The following BCKDHB variants were observed in gnomAD, a reference collection of about 807,000 sequenced individuals.
The protein encoded by BCKDHB is 2-oxoisovalerate dehydrogenase subunit beta, mitochondrial.
Under a neutral mutation model 48.5 loss-of-function variants are expected in BCKDHB, and 41 were observed. The ratio of observed to expected loss-of-function variants is 0.85; its 90% CI spans 0.66 to 1.10. The LOEUF (loss-of-function observed/expected upper bound fraction) is 1.10, where lower values mean the gene tolerates loss of function less well. Ranked by LOEUF, BCKDHB falls within the 50% of genes least tolerant of loss-of-function variation. The pLI, the probability that BCKDHB is intolerant of heterozygous loss-of-function variation, is 0.00. For synonymous variants in BCKDHB, 201 were observed against 174.8 expected, an observed-to-expected ratio of 1.15 and a Z score of -1.18; for missense variants, 496 against 494.2, an observed-to-expected ratio of 1.00 and a Z score of -0.03.
the BCKDHB span, among the ~76,000 whole-genome samples, chr6:80,398,645 A>ATGC: frequency 6.6e-6 from 1 of 151,978 alleles, no homozygotes; most frequent in Non-Finnish European, 1.5e-5. Context: ...TCACAGTCAA[A>ATGC]TTCTACCAGA....
chr6:80,373,855 G>A, the BCKDHB span, among the ~76,000 whole-genome samples: 1 of 152,050 alleles, frequency 6.6e-6, no homozygotes, highest in African/African-American at 2.4e-5. Flanking sequence ...CATTTGCATG[G>A]AATATATTTT....
intron 5 of BCKDHB, among the ~76,000 whole-genome samples, chr6:80,170,904 T>C (rs1196422702): frequency 6.6e-6 from 1 of 152,160 alleles, no homozygotes; most frequent in Non-Finnish European, 1.5e-5. Context: ...ACTTTGAAAG[T>C]AGAAACAGAT....
chr6:80,427,831 T>A, the BCKDHB span, among the ~76,000 whole-genome samples: 1 of 152,130 alleles, frequency 6.6e-6, no homozygotes, highest in Admixed American at 6.6e-5. Flanking sequence ...GTTGTTCATA[T>A]TTTTTTCCCT....
chr6:80,135,977 G>A (rs1019492542), intron 3 of BCKDHB: 3 of 152,130 alleles, frequency 2.0e-5, no homozygotes, highest in Non-Finnish European at 1.5e-5. Context: ...GTTTATTGAT[G>A]TTTCAGCATG....
intron 9 of BCKDHB, among the ~76,000 whole-genome samples, chr6:80,308,593 T>C (rs1767990267): frequency 7.8e-6 from 1 of 128,860 alleles, no homozygotes; most frequent in African/African-American, 3.1e-5. Flanking sequence ...TTCTTCTTCT[T>C]CTTCTTTTTT....
intron 6 of BCKDHB, among the ~76,000 whole-genome samples, chr6:80,173,802 CTTT>C (rs66729845): frequency 6.6e-5 from 9 of 137,304 alleles, no homozygotes; most frequent in Non-Finnish European, 1.1e-4. Context: ...TCTACTTTTC[CTTT>C]TTTTTTTTTT....
intron 8 of BCKDHB, among the ~76,000 whole-genome samples, chr6:80,271,344 C>CAGAA (rs752542797): frequency 7.2e-5 from 11 of 152,108 alleles, no homozygotes; most frequent in Non-Finnish European, 1.5e-4. Context: ...GAGGAGTGCT[C>CAGAA]AGAAGGGCTC....
intron 8 of BCKDHB, among the ~76,000 whole-genome samples, chr6:80,205,582 T>C (rs2127831004): frequency 6.6e-6 from 1 of 152,140 alleles, no homozygotes; most frequent in Middle Eastern, 3.4e-3. Flanking sequence ...AAATATTTGC[T>C]CGGGGATAGA....
intron 6 of BCKDHB, among the ~76,000 whole-genome samples, chr6:80,193,805 T>C (rs547184356): frequency 6.6e-6 from 1 of 152,274 alleles, no homozygotes; most frequent in South Asian, 2.1e-4. Flanking sequence ...TGATTGGTCA[T>C]TGGTTTTCAT....
intron 8 of BCKDHB, among the ~76,000 whole-genome samples, chr6:80,231,732 C>T (rs1280012425): frequency 2.6e-5 from 4 of 152,126 alleles, no homozygotes; most frequent in African/African-American, 9.7e-5. Context: ...TTTGGGAGGC[C>T]GAAGCAGGCG....
the BCKDHB span, among the ~76,000 whole-genome samples, chr6:80,442,859 T>G: frequency 6.6e-6 from 1 of 152,170 alleles, no homozygotes; most frequent in Admixed American, 6.5e-5. Flanking sequence ...ATAAACATGA[T>G]AGCAGAGTGT....
At chr6:80,263,753 T>C (rs1299943621) in intron 8 of BCKDHB, among the ~76,000 whole-genome samples, 1 of 152,168 alleles carries the variant, frequency 6.6e-6, no homozygotes, top group African/African-American at 2.4e-5. Context: ...GTACCCTTGA[T>C]ACGTGCTTAA....
chr6:80,426,659 TTTAA>T, the BCKDHB span, among the ~76,000 whole-genome samples: 1 of 152,150 alleles, frequency 6.6e-6, no homozygotes, highest in South Asian at 2.1e-4. Context: ...TAATTTCTAG[TTTAA>T]TTATCTTGTG....
chr6:80,167,843 T>G lies in BCKDHB; in HGVS notation c.477+32T>G, dbSNP rs112844382. 3.3e-4 allele frequency: 529 copies of G among 1,606,010 alleles called. 3 individuals carry two copies. The African/African-American group carries it at 6.0e-3, about 18-fold the overall frequency. On this transcript the variant is annotated intron_variant, in intron 4 of 9. Transcript: ENST00000320393. ...GAATGAACATTTCTAAGGTTGTTCA[T>G]TCATTGAAATATTCAAGTATTGCCG...
chr6:80,373,909 G>C, the BCKDHB span: 706 of 416,806 alleles, frequency 1.7e-3, 7 homozygotes, highest in African/African-American at 0.013. Flanking sequence ...TATGTGTCAG[G>C]TGAGTCTCTT....
At chr6:80,126,283 T>A (rs894792376) in intron 1 of BCKDHB, among the ~76,000 whole-genome samples, 47 of 152,008 alleles carry the variant, frequency 3.1e-4, no homozygotes, top group African/African-American at 1.1e-3. Flanking sequence ...AGGCAGAACG[T>A]CAGAAGTCTG....
At chr6:80,230,026 GTTTTTTTTTTTTTTTTT>G (rs551632775) in intron 8 of BCKDHB, among the ~76,000 whole-genome samples, 3 of 60,646 alleles carry the variant, frequency 4.9e-5, no homozygotes, top group East Asian at 6.7e-4. Flanking sequence ...TTTTTAGGTT[GTTTTTTTTTTTTTTTTT>G]TTTTTTTTTT....
At chr6:80,198,844 T>C (rs1315288072) in intron 6 of BCKDHB, among the ~76,000 whole-genome samples, 1 of 152,202 alleles carries the variant, frequency 6.6e-6, no homozygotes, top group Non-Finnish European at 1.5e-5. Flanking sequence ...AAGAAATTTA[T>C]TGAAGGATAA....
intron 1 of BCKDHB, among the ~76,000 whole-genome samples, chr6:80,122,074 T>A (rs1277467941): frequency 6.6e-6 from 1 of 152,248 alleles, no homozygotes; most frequent in Non-Finnish European, 1.5e-5. Context: ...GCTGTTGAAT[T>A]TTGTCGAAGG....
Sources: gnomAD v4.1 joint callset for allele counts (sites outside exome capture counted in the v4.1 genomes callset) on GRCh38, gnomAD v4.1.1 for gene constraint, MANE v1.5 for transcripts, NCBI Gene and HGNC (gene_info 2026-07-23, HGNC 2026-07-21) for gene names.